Variants in GPC5 observed in about 807,000 individuals in gnomAD.
The protein encoded by GPC5 is glypican-5.
Under a neutral mutation model 53.9 loss-of-function variants are expected in GPC5, and 47 were observed. The ratio of observed to expected loss-of-function variants is 0.87; its 90% CI spans 0.69 to 1.11. GPC5 has a LOEUF of 1.11. Ranked by LOEUF, GPC5 falls within the 50% of genes most tolerant of loss-of-function variation. The pLI is 0.00. For synonymous variants in GPC5, 286 were observed against 263.3 expected (o/e 1.09, Z -0.84); for missense variants, 748 against 713.1 (o/e 1.05, Z -0.56).
In GPC5 at chr13:91,482,672, G is replaced by A. The variant is rs187847896; in HGVS notation, c.325+33750G>A. On this transcript the variant is annotated intron_variant, in intron 2 of 7. Coordinates refer to ENST00000377067, the MANE Select transcript of GPC5 (RefSeq NM_004466.6). ...ATTTGACCACAGGAATGTCATCGCC[G>A]TGGGAGGCTTCTTGTTTCCCAGGGA... Among the ~76,000 whole-genome samples, 5 of 152,272 alleles carry A rather than the reference G, an allele frequency of 3.3e-5. No homozygotes were observed. In the South Asian group the frequency reaches 6.2e-4, roughly 19 times the overall value.
chr13:92,650,018 A>G (rs1035162343), intron 7 of GPC5, among the ~76,000 whole-genome samples: 37 of 152,258 alleles, frequency 2.4e-4, no homozygotes, highest in Admixed American at 2.2e-3. Context: ...TAAAGACTCA[A>G]TGTTGATTTG....
At chr13:92,604,885 G>C (rs1056641383) in intron 7 of GPC5, among the ~76,000 whole-genome samples, 1 of 152,194 alleles carries the variant, frequency 6.6e-6, no homozygotes, top group South Asian at 2.1e-4. Context: ...CTTTTCTTTT[G>C]ATCTTGAAAG....
At chr13:92,323,557 A>T (rs1236821491) in intron 7 of GPC5, among the ~76,000 whole-genome samples, 1 of 151,730 alleles carries the variant, frequency 6.6e-6, no homozygotes, top group African/African-American at 2.4e-5. Context: ...TTTTATGCAC[A>T]TTGTATTATC....
At chr13:91,902,477 G>T (rs2039507177) in intron 5 of GPC5, among the ~76,000 whole-genome samples, 1 of 151,984 alleles carries the variant, frequency 6.6e-6, no homozygotes, top group African/African-American at 2.4e-5. Context: ...TTCAACTGCT[G>T]TCACTCATTC....
At chr13:91,769,812 C>T (rs2037589588) in intron 5 of GPC5, among the ~76,000 whole-genome samples, 1 of 152,138 alleles carries the variant, frequency 6.6e-6, no homozygotes, top group African/African-American at 2.4e-5. Context: ...CAACACAGAA[C>T]AATTCTGTGA....
chr13:92,838,488 C>A (rs117863345), intron 7 of GPC5, among the ~76,000 whole-genome samples: 17,404 of 137,682 alleles, frequency 0.13, 1,115 homozygotes, highest in African/African-American at 0.17. Context: ...GCGCCCCCCC[C>A]AAAAAAAAAA....
At chr13:91,415,752 G>T (rs1298285561) in intron 1 of GPC5, among the ~76,000 whole-genome samples, 1 of 146,504 alleles carries the variant, frequency 6.8e-6, no homozygotes, top group Non-Finnish European at 1.5e-5. Flanking sequence ...GGGGTGGGGG[G>T]GGTGGGGGCT....
chr13:91,509,706 G>T (rs999416625), intron 2 of GPC5, among the ~76,000 whole-genome samples: 2 of 151,840 alleles, frequency 1.3e-5, no homozygotes, highest in African/African-American at 4.8e-5. Flanking sequence ...AGCCATTTTA[G>T]TCACATGGGA....
intron 5 of GPC5, among the ~76,000 whole-genome samples, chr13:91,791,653 T>C (rs1292583824): frequency 1.1e-5 from 1 of 92,674 alleles, no homozygotes; most frequent in East Asian, 2.7e-4. Context: ...TACATGTTGA[T>C]GTTTAATTAC....
chr13:91,556,147 A>G (rs1177287063), intron 2 of GPC5, among the ~76,000 whole-genome samples: 1 of 151,988 alleles, frequency 6.6e-6, no homozygotes, highest in Non-Finnish European at 1.5e-5. Flanking sequence ...CATTTCAAGA[A>G]CACTATATAA....
chr13:92,010,860 T>G (rs561273296), intron 6 of GPC5, among the ~76,000 whole-genome samples: 2 of 152,320 alleles, frequency 1.3e-5, no homozygotes, highest in South Asian at 4.1e-4. Context: ...AAATTCCCAT[T>G]GTGTAATCCA....
chr13:91,881,844 C>T (rs1024133196), intron 5 of GPC5, among the ~76,000 whole-genome samples: 2 of 152,160 alleles, frequency 1.3e-5, no homozygotes, highest in African/African-American at 4.8e-5. Context: ...GCAGATGCAA[C>T]TAAGGCTAAT....
chr13:92,779,778 G>A (rs1875953219), intron 7 of GPC5, among the ~76,000 whole-genome samples: 1 of 152,120 alleles, frequency 6.6e-6, no homozygotes, highest in African/African-American at 2.4e-5. Context: ...AGTTTACTCA[G>A]AGGTCACTGA....
intron 7 of GPC5, among the ~76,000 whole-genome samples, chr13:92,865,650 G>A (rs778908298): frequency 9.9e-5 from 15 of 152,194 alleles, no homozygotes; most frequent in South Asian, 2.1e-4. Flanking sequence ...CATTTCAAAT[G>A]TTCCCTCCAC....
chr13:92,624,153 C>A (rs1461396930), intron 7 of GPC5, among the ~76,000 whole-genome samples: 1 of 151,562 alleles, frequency 6.6e-6, no homozygotes, highest in African/African-American at 2.4e-5. Flanking sequence ...TGGCTCACTG[C>A]AACCTCCGCA....
At chr13:92,144,197 A>G (rs1013995719) in intron 6 of GPC5, among the ~76,000 whole-genome samples, 7 of 152,226 alleles carry the variant, frequency 4.6e-5, no homozygotes, top group Non-Finnish European at 7.3e-5. Context: ...ATTAAAATAA[A>G]TGAAATACTT....
chr13:91,950,266 GT>G (rs35957614), intron 6 of GPC5, among the ~76,000 whole-genome samples: 6,021 of 122,584 alleles, frequency 0.049, 136 homozygotes, highest in Middle Eastern at 0.1. Context: ...AAACTGCCAA[GT>G]TTTTTTTTTT....
intron 2 of GPC5, among the ~76,000 whole-genome samples, chr13:91,669,809 T>C (rs1207155140): frequency 6.6e-6 from 1 of 152,226 alleles, no homozygotes; most frequent in Non-Finnish European, 1.5e-5. Flanking sequence ...CAAAATTCTA[T>C]AGTTACCCTA....
intron 6 of GPC5, among the ~76,000 whole-genome samples, chr13:92,070,226 G>A: frequency 6.6e-6 from 1 of 152,170 alleles, no homozygotes; most frequent in South Asian, 2.1e-4. Flanking sequence ...ACCTACACAA[G>A]GAACTAAGTG....
Sources: gnomAD v4.1 joint callset for allele counts (sites outside exome capture counted in the v4.1 genomes callset) on GRCh38, gnomAD v4.1.1 for gene constraint, MANE v1.5 for transcripts, NCBI Gene and HGNC (gene_info 2026-07-23, HGNC 2026-07-21) for gene names.